The following TMEM132C variants were observed in gnomAD, a reference collection of about 807,000 sequenced individuals.
TMEM132C encodes the protein transmembrane protein 132C, also known as protein phosphatase 1, regulatory subunit 152.
In TMEM132C, 29 loss-of-function variants were observed where a neutral mutation model predicts 61.4. That is an observed-to-expected ratio of 0.47 (90% CI 0.35 to 0.64). The LOEUF is 0.64. Among genes scored for constraint, TMEM132C ranks in the 30% least tolerant of loss-of-function variants. TMEM132C has a pLI of 0.00. For synonymous variants in TMEM132C, 656 were observed against 633.1 expected (o/e 1.04, Z -0.54); for missense variants, 1,408 against 1,476.9 (o/e 0.95, Z 0.76).
At chr12:128,692,060 C>T (rs61330228) in intron 5 of TMEM132C, among the ~76,000 whole-genome samples, 2 of 143,680 alleles carry the variant, frequency 1.4e-5, no homozygotes, top group African/African-American at 5.9e-5. Context: ...ATTTGTCCAC[C>T]ACCCATTCAC....
chr12:128,614,999 G>A (rs907088950), intron 3 of TMEM132C, among the ~76,000 whole-genome samples: 3 of 152,172 alleles, frequency 2.0e-5, no homozygotes, highest in Non-Finnish European at 4.4e-5. Flanking sequence ...AGGAGAACCA[G>A]GGCCACTGTG....
At chr12:128,662,202 G>A (rs1245665997) in intron 4 of TMEM132C, among the ~76,000 whole-genome samples, 1 of 152,092 alleles carries the variant, frequency 6.6e-6, no homozygotes, top group Non-Finnish European at 1.5e-5. Flanking sequence ...TCCTCCCCCT[G>A]CACAGCCCCA....
Position 128,581,604 on chromosome 12 carries a change from C to T in TMEM132C, c.1122-34548C>T, listed in dbSNP as rs1345014315. Among the ~76,000 whole-genome samples the T allele has an allele frequency of 2.0e-5, 3 of 152,278 alleles. No individual in the cohort carries two copies. The East Asian group carries it at 5.8e-4, about 29-fold the overall frequency. On this transcript the variant is annotated intron_variant, in intron 3 of 8. Coordinates refer to ENST00000435159, the MANE Select transcript of TMEM132C (RefSeq NM_001136103.3). ...CAAAGTTCGCCATGATAATGACCAA[C>T]CAGGATATTAGACACATTTGAGACC...
In TMEM132C at chr12:128,700,826, C is replaced by T. The variant is rs1034412149; in HGVS notation, c.2121+3411C>T. Among the ~76,000 whole-genome samples the T allele has an allele frequency of 6.6e-5, 10 of 152,126 alleles. No individual in the cohort carries two copies. The South Asian group carries it at 1.0e-3, about 16-fold the overall frequency. On this transcript the variant is annotated intron_variant, in intron 8 of 8. Coordinates refer to ENST00000435159, the MANE Select transcript of TMEM132C (RefSeq NM_001136103.3). ...CATCAGCTGATATGGACAGAGGAGACGAGGGTGAGCACCAACATCGCTGAG... is the reference window on the plus strand; with the variant it reads ...CATCAGCTGATATGGACAGAGGAGATGAGGGTGAGCACCAACATCGCTGAG...
At chr12:128,526,118 A>G (rs1480366683) in intron 2 of TMEM132C, among the ~76,000 whole-genome samples, 8 of 151,952 alleles carry the variant, frequency 5.3e-5, no homozygotes, top group Non-Finnish European at 7.3e-5. Flanking sequence ...TTAACCAACA[A>G]ATATTTTGAG....
intron 2 of TMEM132C, among the ~76,000 whole-genome samples, chr12:128,420,838 T>A (rs1053200586): frequency 6.6e-6 from 1 of 152,186 alleles, no homozygotes; most frequent in Non-Finnish European, 1.5e-5. Context: ...TTCTAGATAG[T>A]GTATTATAAT....
At chr12:128,649,427 G>T (rs1363772744) in intron 4 of TMEM132C, among the ~76,000 whole-genome samples, 1 of 152,210 alleles carries the variant, frequency 6.6e-6, no homozygotes, top group African/African-American at 2.4e-5. Context: ...AAGGATCTGG[G>T]ACATAGACGT....
At chr12:128,572,323 T>C (rs947773402) in intron 3 of TMEM132C, among the ~76,000 whole-genome samples, 7 of 146,216 alleles carry the variant, frequency 4.8e-5, no homozygotes, top group Admixed American at 4.7e-4. Context: ...TGGCCAGACC[T>C]GTGTCACATG....
At chr12:128,601,334 C>T (rs992976096) in intron 3 of TMEM132C, among the ~76,000 whole-genome samples, 7 of 152,188 alleles carry the variant, frequency 4.6e-5, no homozygotes, top group South Asian at 2.1e-4. Context: ...CGGCTCCTGG[C>T]GCAATCACCC....
chr12:128,328,613 C>T (rs989952623), intron 1 of TMEM132C, among the ~76,000 whole-genome samples: 4 of 151,904 alleles, frequency 2.6e-5, no homozygotes, highest in African/African-American at 9.7e-5. Context: ...ATGGTGAAAC[C>T]CTGTCTCTAC....
intron 2 of TMEM132C, among the ~76,000 whole-genome samples, chr12:128,472,183 A>G (rs1870973953): frequency 6.6e-6 from 1 of 152,158 alleles, no homozygotes; most frequent in African/African-American, 2.4e-5. Flanking sequence ...CTTCTGGGCT[A>G]CATAATAACT....
At chr12:128,400,760 C>T (rs1403134269) in intron 1 of TMEM132C, among the ~76,000 whole-genome samples, 1 of 152,030 alleles carries the variant, frequency 6.6e-6, no homozygotes, top group Admixed American at 6.6e-5. Flanking sequence ...AGGCACGCAC[C>T]ACCATACCTG....
At chr12:128,343,991 A>G (rs1315467326) in intron 1 of TMEM132C, among the ~76,000 whole-genome samples, 1 of 152,156 alleles carries the variant, frequency 6.6e-6, no homozygotes. Flanking sequence ...TCATTCTTTT[A>G]TGACTGGGTA....
At chr12:128,613,682 T>A (rs1183476501) in intron 3 of TMEM132C, among the ~76,000 whole-genome samples, 1 of 152,172 alleles carries the variant, frequency 6.6e-6, no homozygotes, top group African/African-American at 2.4e-5. Flanking sequence ...TAAGGAAGAT[T>A]CACAAAACCC....
intron 3 of TMEM132C, among the ~76,000 whole-genome samples, chr12:128,591,294 C>T (rs1875741695): frequency 6.6e-6 from 1 of 152,114 alleles, no homozygotes; most frequent in Non-Finnish European, 1.5e-5. Context: ...CAGCCCCCGG[C>T]AACAACTCAT....
At chr12:128,606,780 C>T (rs1384251589) in intron 3 of TMEM132C, among the ~76,000 whole-genome samples, 4 of 152,114 alleles carry the variant, frequency 2.6e-5, no homozygotes, top group East Asian at 1.9e-4. Context: ...TCATGCCAAG[C>T]GACTTATCAA....
At chr12:128,533,912 G>A (rs1307386233) in intron 2 of TMEM132C, among the ~76,000 whole-genome samples, 1 of 150,232 alleles carries the variant, frequency 6.7e-6, no homozygotes, top group Non-Finnish European at 1.5e-5. Context: ...GCACACACAT[G>A]CATACACACA....
chr12:128,699,541 G>A (rs1002548228), intron 8 of TMEM132C, among the ~76,000 whole-genome samples: 2 of 152,142 alleles, frequency 1.3e-5, no homozygotes, highest in African/African-American at 4.8e-5. Flanking sequence ...TACCTTCATC[G>A]GCTTCAACAC....
intron 4 of TMEM132C, among the ~76,000 whole-genome samples, chr12:128,666,617 AAAGC>A (rs1448816888): frequency 3.3e-5 from 5 of 152,238 alleles, no homozygotes; most frequent in South Asian, 2.1e-4. Context: ...AGTTAATGGG[AAAGC>A]AAGGAGCGGA....
Sources: gnomAD v4.1 joint callset for allele counts (sites outside exome capture counted in the v4.1 genomes callset) on GRCh38, gnomAD v4.1.1 for gene constraint, MANE v1.5 for transcripts, NCBI Gene and HGNC (gene_info 2026-07-23, HGNC 2026-07-21) for gene names.